FRS2: variants seen among roughly 807,000 people sequenced by gnomAD.
FRS2 encodes fibroblast growth factor receptor substrate 2.
FRS2 carries 8 observed loss-of-function variants against 43.9 expected under a neutral mutation model. The observed-to-expected ratio is 0.18, with a 90% CI of 0.11 to 0.33. The LOEUF (loss-of-function observed/expected upper bound fraction) is 0.33, where lower values mean the gene tolerates loss of function less well. Among genes scored for constraint, FRS2 ranks in the 10% least tolerant of loss-of-function variants. The probability of loss-of-function intolerance (pLI) is 1.00; values close to 1 mark genes in which losing one functional copy is unlikely to be tolerated. For synonymous variants in FRS2, 219 were observed against 220.3 expected (o/e 0.99, Z 0.05); for missense variants, 534 against 627.6 (o/e 0.85, Z 1.59).
At chr12:69,530,533 G>A (rs1157921996) in intron 1 of FRS2, among the ~76,000 whole-genome samples, 1 of 152,088 alleles carries the variant, frequency 6.6e-6, no homozygotes, top group Non-Finnish European at 1.5e-5. Context: ...GAGTGCAGGA[G>A]TTCAAGACTA....
intron 3 of FRS2, among the ~76,000 whole-genome samples, chr12:69,558,226 ATGT>A (rs1006693035): frequency 7.2e-5 from 11 of 152,298 alleles, no homozygotes; most frequent in African/African-American, 2.6e-4. Flanking sequence ...TTATAAATGG[ATGT>A]TGTGCCTTGA....
intron 1 of FRS2, among the ~76,000 whole-genome samples, chr12:69,517,100 A>C (rs186237773): frequency 6.6e-5 from 10 of 152,194 alleles, no homozygotes; most frequent in Non-Finnish European, 1.3e-4. Flanking sequence ...TCCACAAGGG[A>C]AAAAAGACCC....
At chr12:69,478,724 ATGTGTGTGTGTGTGTGTGTGTGTGTG>A (rs59945124) in intron 1 of FRS2, among the ~76,000 whole-genome samples, 2 of 146,214 alleles carry the variant, frequency 1.4e-5, no homozygotes, top group African/African-American at 2.5e-5. Flanking sequence ...ATACATCATT[ATGTGTGTGTGTGTGTGTGTGTGTGTG>A]TGTGTGTGTG....
intron 3 of FRS2, among the ~76,000 whole-genome samples, chr12:69,559,626 C>T (rs1879713937): frequency 6.6e-6 from 1 of 152,080 alleles, no homozygotes. Flanking sequence ...CATAATGGCT[C>T]TGATTTAAGG....
At chr12:69,551,334 T>C (rs1878853101) in intron 3 of FRS2, among the ~76,000 whole-genome samples, 5 of 151,952 alleles carry the variant, frequency 3.3e-5, no homozygotes, top group African/African-American at 1.2e-4. Context: ...GCCTGGGCAA[T>C]GGAGCGAGAC....
At chr12:69,472,240 C>A (rs1565707281) in intron 1 of FRS2, among the ~76,000 whole-genome samples, 1 of 151,154 alleles carries the variant, frequency 6.6e-6, no homozygotes, top group Non-Finnish European at 1.5e-5. Context: ...GCACCAACCA[C>A]CACACCTGGC....
intron 3 of FRS2, among the ~76,000 whole-genome samples, chr12:69,538,195 T>TTTTATATATATATATATATATA (rs1877497540): frequency 1.3e-5 from 1 of 76,894 alleles, no homozygotes; most frequent in South Asian, 4.6e-4. Context: ...AAAAAACAAA[T>TTTTATATATATATATATATATA]TTTATATATA....
chr12:69,571,638 G>A (rs1330430805), intron 7 of FRS2, among the ~76,000 whole-genome samples: 1 of 152,126 alleles, frequency 6.6e-6, no homozygotes, highest in Non-Finnish European at 1.5e-5. Flanking sequence ...GAGGCGGGCA[G>A]ATCACTAGGT....
chr12:69,570,397 C>G lies in FRS2; in HGVS notation c.133C>G (p.Leu45Val), dbSNP rs758099198. The change falls in exon 6 of 9, where the codon CTG becomes GTG. Residue 45 changes from leucine (L) to valine (V), a missense_variant. Leu to Val is a conservative substitution (Grantham distance 32, BLOSUM62 1). Transcript: ENST00000549921. ...SGIMELTDTE[L>V]ILYTRKRDSV... The stretch of plus-strand genomic sequence containing the variant: ...CATAATGGAACTTACAGACACAGAA[C>G]TGATTTTATACACCCGCAAACGTGA... 1.2e-6 allele frequency: 2 copies of G among 1,613,466 alleles called. No homozygotes were observed. The highest frequency in any genetic ancestry group is 1.7e-6 in the Non-Finnish European group (2 of 1,179,440).
In FRS2 at chr12:69,529,539, T is replaced by TGAACCTGGGAG. The variant is rs372974560; in HGVS notation, c.-260-1324_-260-1314dup. ...CTCGGGAGGCTAAGACAGAATCACT[T>TGAACCTGGGAG]GAACCTGGGAGGCAGAGGTTGCAGT... On this transcript the variant is annotated intron_variant, in intron 1 of 8. Transcript: ENST00000549921. 9.2e-3 allele frequency among the ~76,000 whole-genome samples: 1,399 copies of TGAACCTGGGAG among 152,086 alleles called. 20 individuals are homozygous for TGAACCTGGGAG. The highest frequency in any genetic ancestry group is 0.032 in the African/African-American group (1,319 of 41,450).
intron 3 of FRS2, among the ~76,000 whole-genome samples, chr12:69,554,779 A>G (rs1227957328): frequency 6.6e-6 from 1 of 151,978 alleles, no homozygotes; most frequent in African/African-American, 2.4e-5. Flanking sequence ...ATCACAGCTC[A>G]CTGCACTGTT....
chr12:69,563,940 G>A (rs1012180536), intron 4 of FRS2, among the ~76,000 whole-genome samples: 2 of 151,910 alleles, frequency 1.3e-5, no homozygotes, highest in Admixed American at 6.6e-5. Flanking sequence ...CCATCAATTA[G>A]CCCTTCTCTT....
intron 3 of FRS2, among the ~76,000 whole-genome samples, chr12:69,553,888 A>T (rs1173312187): frequency 1.3e-5 from 2 of 152,182 alleles, no homozygotes; most frequent in Admixed American, 1.3e-4. Flanking sequence ...GTTTGAAGTA[A>T]ACCCAGGCTG....
chr12:69,514,747 C>A (rs1874815448), intron 1 of FRS2, among the ~76,000 whole-genome samples: 1 of 151,798 alleles, frequency 6.6e-6, no homozygotes, highest in Non-Finnish European at 1.5e-5. Context: ...GCAGGAGAAT[C>A]ATTTGAACCT....
chr12:69,487,640 G>A (rs1193818943), intron 1 of FRS2, among the ~76,000 whole-genome samples: 1 of 152,210 alleles, frequency 6.6e-6, no homozygotes, highest in Non-Finnish European at 1.5e-5. Context: ...CATAGATTGA[G>A]GAGTAATTTT....
At chr12:69,554,032 G>T (rs1555191966) in intron 3 of FRS2, among the ~76,000 whole-genome samples, 15 of 152,120 alleles carry the variant, frequency 9.9e-5, no homozygotes, top group Non-Finnish European at 2.2e-4. Context: ...TTGTTGGCAG[G>T]TTTCCAGCAT....
intron 1 of FRS2, among the ~76,000 whole-genome samples, chr12:69,504,521 G>C (rs1340777350): frequency 2.6e-5 from 4 of 152,164 alleles, no homozygotes; most frequent in East Asian, 3.9e-4. Context: ...TAGATTTATT[G>C]GGATGTAATC....
At chr12:69,485,751 AG>A (rs1871879226) in intron 1 of FRS2, among the ~76,000 whole-genome samples, 1 of 152,188 alleles carries the variant, frequency 6.6e-6, no homozygotes, top group Non-Finnish European at 1.5e-5. Flanking sequence ...TACAGGCATG[AG>A]CCACCATGCC....
At chr12:69,493,268 C>T (rs906883726) in intron 1 of FRS2, among the ~76,000 whole-genome samples, 2 of 152,172 alleles carry the variant, frequency 1.3e-5, no homozygotes, top group African/African-American at 2.4e-5. Flanking sequence ...AGTATACAGA[C>T]ATTTGGGCAT....
Sources: gnomAD v4.1 joint callset for allele counts (sites outside exome capture counted in the v4.1 genomes callset) on GRCh38, gnomAD v4.1.1 for gene constraint, MANE v1.5 for transcripts, NCBI Gene and HGNC (gene_info 2026-07-23, HGNC 2026-07-21) for gene names.